SLC10A7: variants seen among roughly 807,000 people sequenced by gnomAD.
SLC10A7 encodes the protein sodium/bile acid cotransporter 7.
A neutral mutation model predicts 43.2 loss-of-function variants in SLC10A7; 29 were observed. The observed-to-expected ratio is 0.67, with a 90% CI of 0.50 to 0.92. SLC10A7 has a LOEUF of 0.92. Ranked by LOEUF, SLC10A7 falls within the 40% of genes least tolerant of loss-of-function variation. The pLI, the probability that SLC10A7 is intolerant of heterozygous loss-of-function variation, is 0.00. For missense variants in SLC10A7, 295 were observed against 403.2 expected (o/e 0.73, Z 2.30); for synonymous variants, 152 against 144.8 (o/e 1.05, Z -0.35).
Position 146,475,670 on chromosome 4 carries a change from C to T in SLC10A7, c.396+28179G>A, listed in dbSNP as rs553894486. ...AGTAACAGATGTTTCAAAGCTATTACTCCAAACCTCAGGTGAAGATAAATA... is the reference window on the plus strand; with the variant it reads ...AGTAACAGATGTTTCAAAGCTATTATTCCAAACCTCAGGTGAAGATAAATA... On this transcript the variant is annotated intron_variant, in intron 4 of 11. Transcript: ENST00000335472. Among the ~76,000 whole-genome samples the T allele has an allele frequency of 2.6e-5, 4 of 152,280 alleles. No homozygotes were observed. The South Asian group carries it at 8.3e-4, about 32-fold the overall frequency.
At chr4:146,454,457 T>C (rs1731875573) in intron 4 of SLC10A7, among the ~76,000 whole-genome samples, 1 of 151,878 alleles carries the variant, frequency 6.6e-6, no homozygotes, top group Non-Finnish European at 1.5e-5. Flanking sequence ...CAGAATAGAA[T>C]TCATCTCCAG....
At chr4:146,517,482 T>A (rs1327263787) in intron 1 of SLC10A7, among the ~76,000 whole-genome samples, 1 of 151,784 alleles carries the variant, frequency 6.6e-6, no homozygotes. Context: ...ATAATAATAA[T>A]AATAACAACA....
At chr4:146,482,591 A>AG (rs1734570699) in intron 4 of SLC10A7, among the ~76,000 whole-genome samples, 1 of 151,526 alleles carries the variant, frequency 6.6e-6, no homozygotes, top group Non-Finnish European at 1.5e-5. Context: ...AAGAAAAAAA[A>AG]AAGGCAAAAG....
At chr4:146,455,197 CATA>C (rs1158055202) in intron 4 of SLC10A7, among the ~76,000 whole-genome samples, 5 of 151,780 alleles carry the variant, frequency 3.3e-5, no homozygotes, top group African/African-American at 1.2e-4. Flanking sequence ...AGACAGACAT[CATA>C]ATAACTACAA....
In SLC10A7 at chr4:146,255,402, C is replaced by T. The variant is rs1288925501; in HGVS notation, c.*1089G>A. ...TGTATATGTAACATTTGTTTGCATCCATGACCTTTATATTTTCATTTATTC... is the reference window on the plus strand; with the variant it reads ...TGTATATGTAACATTTGTTTGCATCTATGACCTTTATATTTTCATTTATTC... On this transcript the variant is annotated 3_prime_UTR_variant, in exon 12 of 12. Transcript: ENST00000335472. 6.6e-6 allele frequency: 1 copy of T among 152,578 alleles called. No homozygotes were observed. Among genetic ancestry groups the T allele is most frequent in the Non-Finnish European group, 1.5e-5 (1 of 68,016 alleles). The allele number at this position is 152,578 out of a possible 1,614,324, so 9.5% of individuals were successfully genotyped here.
At chr4:146,298,123 T>C (rs1730908013) in intron 7 of SLC10A7, among the ~76,000 whole-genome samples, 1 of 152,196 alleles carries the variant, frequency 6.6e-6, no homozygotes, top group Admixed American at 6.5e-5. Context: ...CCTTACTTTG[T>C]GATGTTGGGC....
intron 4 of SLC10A7, among the ~76,000 whole-genome samples, chr4:146,445,071 A>G (rs1730922062): frequency 6.6e-6 from 1 of 152,086 alleles, no homozygotes; most frequent in South Asian, 2.1e-4. Flanking sequence ...TTCCATGAAC[A>G]TGTTTCTATC....
chr4:146,394,161 T>G (rs947498142), intron 5 of SLC10A7, among the ~76,000 whole-genome samples: 1 of 152,202 alleles, frequency 6.6e-6, no homozygotes, highest in African/African-American at 2.4e-5. Flanking sequence ...CTCTGGGGAC[T>G]GGTCAAGGTC....
At position 146,357,871 on chromosome 4, in the gene SLC10A7, G is replaced by A. The variant is rs151138258; in HGVS notation, c.436-31875C>T. Among the ~76,000 whole-genome samples the A allele has an allele frequency of 3.0e-3, 454 of 152,266 alleles. 2 individuals are homozygous for A. The highest frequency in any genetic ancestry group is 6.8e-3 in the Middle Eastern group (2 of 294). ...AGTTCTTCCTTGGCCAGGCAAAGATGTGGCAGTTTTCCTACAGGTCAAGTA... is the reference window on the plus strand; with the variant it reads ...AGTTCTTCCTTGGCCAGGCAAAGATATGGCAGTTTTCCTACAGGTCAAGTA... On this transcript the variant is annotated intron_variant, in intron 5 of 11. Transcript: ENST00000335472.
At chr4:146,363,718 C>T (rs1435404156) in intron 5 of SLC10A7, among the ~76,000 whole-genome samples, 2 of 151,980 alleles carry the variant, frequency 1.3e-5, no homozygotes, top group East Asian at 3.9e-4. Context: ...ACTAGACAAA[C>T]ACATGGAAAG....
Position 146,325,991 on chromosome 4 carries a change from G to A in SLC10A7, c.441C>T (p.Ile147=), listed in dbSNP as rs750948980. The change falls in exon 6 of 12, where the codon ATC becomes ATT. Residue 147 remains isoleucine (I), a synonymous_variant. Coordinates refer to ENST00000335472, the MANE Select transcript of SLC10A7 (RefSeq NM_001029998.6). Reference sequence around the variant, plus strand: ...GCAGCAGGAGCAGGGGTGTTATAACGATGCCCTGAAAGAAATAAAAGAGAG... The same window carrying A: ...GCAGCAGGAGCAGGGGTGTTATAACAATGCCCTGAAAGAAATAAAAGAGAG... ...FNSAFGSFLG[I]VITPLLLLLF... The A allele has an allele frequency of 7.4e-6, 12 of 1,611,380 alleles. No homozygotes were observed. The highest frequency in any genetic ancestry group is 2.2e-5 in the East Asian group (1 of 44,826).
chr4:146,507,262 C>T (rs1339351355), intron 3 of SLC10A7, among the ~76,000 whole-genome samples: 1 of 152,074 alleles, frequency 6.6e-6, no homozygotes, highest in Non-Finnish European at 1.5e-5. Flanking sequence ...TCCTCTTGCT[C>T]CTCAAAAATC....
intron 5 of SLC10A7, among the ~76,000 whole-genome samples, chr4:146,374,601 C>CAT (rs1337058848): frequency 8.8e-4 from 117 of 132,930 alleles, no homozygotes; most frequent in South Asian, 2.5e-3. Context: ...AAAATATATA[C>CAT]ATATATATAT....
At position 146,335,250 on chromosome 4, in the gene SLC10A7, G is replaced by GA. The variant is rs772547279; in HGVS notation, c.436-9255_436-9254insT. Among the ~76,000 whole-genome samples the GA allele has an allele frequency of 3.0e-3, 210 of 70,582 alleles. 2 individuals carry two copies. The highest frequency in any genetic ancestry group is 0.023 in the Admixed American group (103 of 4,408). 46.3% of individuals were successfully genotyped at this position (70,582 alleles called of 152,430 possible). ...TCATTAAAGTGTTGCCACAGATGTT[G>GA]TAAAAAAAAAAAAAAAAAAAAAAAA... On this transcript the variant is annotated intron_variant, in intron 5 of 11. Coordinates refer to ENST00000335472, the MANE Select transcript of SLC10A7 (RefSeq NM_001029998.6).
chr4:146,366,107 C>T (rs1013699531), intron 5 of SLC10A7, among the ~76,000 whole-genome samples: 2 of 152,170 alleles, frequency 1.3e-5, no homozygotes, highest in Non-Finnish European at 2.9e-5. Flanking sequence ...ACCAGCCTCA[C>T]CCCATGGAAA....
chr4:146,387,581 G>A (rs1041123479), intron 5 of SLC10A7, among the ~76,000 whole-genome samples: 1 of 152,102 alleles, frequency 6.6e-6, no homozygotes, highest in African/African-American at 2.4e-5. Context: ...CCTAGCTAGA[G>A]CAATCAGGCA....
chr4:146,396,788 T>C (rs948048156), intron 5 of SLC10A7, among the ~76,000 whole-genome samples: 8 of 148,132 alleles, frequency 5.4e-5, no homozygotes, highest in Admixed American at 4.0e-4. Context: ...GGACCACTAC[T>C]TCCTTTAAAA....
chr4:146,421,979 G>A (rs747049284), intron 5 of SLC10A7, among the ~76,000 whole-genome samples: 10 of 151,926 alleles, frequency 6.6e-5, no homozygotes, highest in Non-Finnish European at 1.2e-4. Context: ...TTTTACTTAG[G>A]CACATCTCCT....
At chr4:146,317,328 A>G (rs1328308431) in intron 6 of SLC10A7, among the ~76,000 whole-genome samples, 1 of 152,080 alleles carries the variant, frequency 6.6e-6, no homozygotes, top group Non-Finnish European at 1.5e-5. Context: ...ACTGCCAGGC[A>G]CTATTTTGGG....
Sources: gnomAD v4.1 joint callset for allele counts (sites outside exome capture counted in the v4.1 genomes callset) on GRCh38, gnomAD v4.1.1 for gene constraint, MANE v1.5 for transcripts, NCBI Gene and HGNC (gene_info 2026-07-23, HGNC 2026-07-21) for gene names.